HERC3: variants seen among roughly 807,000 people sequenced by gnomAD.
HERC3 encodes HECT and RLD domain containing E3 ubiquitin protein ligase 3.
HERC3 carries 58 observed loss-of-function variants against 129.9 expected under a neutral mutation model. The observed-to-expected ratio is 0.45, with a 90% confidence interval of 0.36 to 0.56. The LOEUF (loss-of-function observed/expected upper bound fraction) is 0.56, where lower values mean the gene tolerates loss of function less well. Among genes scored for constraint, HERC3 ranks in the 20% least tolerant of loss-of-function variants. The probability of loss-of-function intolerance (pLI) is 0.00; values close to 1 mark genes in which losing one functional copy is unlikely to be tolerated. For synonymous variants in HERC3, 430 were observed against 451.0 expected (o/e 0.95, Z 0.59); for missense variants, 835 against 1,244.2 (o/e 0.67, Z 4.95).
intron 3 of HERC3, among the ~76,000 whole-genome samples, chr4:88,622,972 A>G (rs1381189963): frequency 2.0e-5 from 3 of 152,172 alleles, no homozygotes; most frequent in East Asian, 1.9e-4. Flanking sequence ...AAGAGTGCCT[A>G]TCTCATAGGG....
intron 3 of HERC3, among the ~76,000 whole-genome samples, chr4:88,610,310 G>A (rs1056112294): frequency 6.6e-6 from 1 of 151,954 alleles, no homozygotes; most frequent in Non-Finnish European, 1.5e-5. Context: ...AAAATTAGCC[G>A]GGCATGGTGG....
At chr4:88,557,700 A>G in the HERC3 span, among the ~76,000 whole-genome samples, 1 of 152,170 alleles carries the variant, frequency 6.6e-6, no homozygotes, top group Non-Finnish European at 1.5e-5. Context: ...CACTTTTACA[A>G]TGCTAGTTGG....
the HERC3 span, among the ~76,000 whole-genome samples, chr4:88,531,606 G>C: frequency 2.6e-5 from 4 of 152,172 alleles, no homozygotes; most frequent in African/African-American, 9.7e-5. Flanking sequence ...AAGATGAGCT[G>C]TTGCTCTCTC....
At chr4:88,699,454 A>C (rs561138142) in intron 23 of HERC3, among the ~76,000 whole-genome samples, 33 of 138,146 alleles carry the variant, frequency 2.4e-4, no homozygotes, top group African/African-American at 9.2e-4. Flanking sequence ...TACCCTGCTC[A>C]CCATCTTCTT....
chr4:88,663,322 T>G (rs1730700267), intron 11 of HERC3, among the ~76,000 whole-genome samples: 1 of 152,154 alleles, frequency 6.6e-6, no homozygotes, highest in South Asian at 2.1e-4. Flanking sequence ...TCTGTGGCAG[T>G]CTTCAGAATC....
chr4:88,603,495 C>T (rs1439020084), intron 2 of HERC3, among the ~76,000 whole-genome samples: 2 of 152,308 alleles, frequency 1.3e-5, no homozygotes, highest in Admixed American at 1.3e-4. Flanking sequence ...GTGTGAGCCA[C>T]CATGCCCGGC....
chr4:88,573,101 G>A, the HERC3 span, among the ~76,000 whole-genome samples: 2 of 152,150 alleles, frequency 1.3e-5, no homozygotes, highest in African/African-American at 4.8e-5. Context: ...TAGAGTGAAA[G>A]GCATGTATAT....
chr4:88,603,529 A>G (rs1030278738), intron 2 of HERC3, among the ~76,000 whole-genome samples: 8 of 152,008 alleles, frequency 5.3e-5, no homozygotes, highest in South Asian at 2.1e-4. Flanking sequence ...TTAATTTGCT[A>G]TCTTAAATAG....
chr4:88,602,011 C>A (rs539703304), intron 2 of HERC3, among the ~76,000 whole-genome samples: 11 of 135,732 alleles, frequency 8.1e-5, no homozygotes, highest in Admixed American at 7.7e-4. Context: ...AGCCGAGATC[C>A]CGCCACTGCA....
At chr4:88,577,119 A>G in the HERC3 span, among the ~76,000 whole-genome samples, 1 of 152,132 alleles carries the variant, frequency 6.6e-6, no homozygotes, top group East Asian at 1.9e-4. Context: ...GGGGTATACA[A>G]CTGTAGTGGA....
At chr4:88,686,683 GT>G (rs1733505408) in intron 21 of HERC3, 52 bp from the exon 22 acceptor site, 6 of 1,135,156 alleles carry the variant, frequency 5.3e-6, no homozygotes, top group Non-Finnish European at 8.1e-6. Context: ...TAGAAACACT[GT>G]TGCAGCAGTG....
chr4:88,625,836 AT>A (rs147382274), intron 3 of HERC3, among the ~76,000 whole-genome samples: 3,950 of 151,562 alleles, frequency 0.026, 109 homozygotes, highest in South Asian at 0.087. Flanking sequence ...ATATTTAGTG[AT>A]TTTTTTTTAA....
At chr4:88,645,089 T>G (rs1281339246) in intron 3 of HERC3, among the ~76,000 whole-genome samples, 1 of 152,150 alleles carries the variant, frequency 6.6e-6, no homozygotes, top group Admixed American at 6.5e-5. Flanking sequence ...AGATACAGTG[T>G]ATCTCCATCA....
At chr4:88,667,862 A>G (rs1239012556) in intron 13 of HERC3, 30 bp from the exon 14 acceptor site, 1 of 1,516,496 alleles carries the variant, frequency 6.6e-7, no homozygotes, top group Non-Finnish European at 9.1e-7. Context: ...AGTATGTTTG[A>G]ATTTCTCATT....
At chr4:88,689,749 T>C (rs1358617018) in intron 23 of HERC3, among the ~76,000 whole-genome samples, 1 of 152,046 alleles carries the variant, frequency 6.6e-6, no homozygotes, top group Non-Finnish European at 1.5e-5. Flanking sequence ...GGCTAATTTT[T>C]GTATTTTTAG....
chr4:88,693,929 G>A (rs770890529), intron 23 of HERC3, among the ~76,000 whole-genome samples: 1 of 152,192 alleles, frequency 6.6e-6, no homozygotes, highest in African/African-American at 2.4e-5. Flanking sequence ...CCTGTTAGAT[G>A]TTAACATGCA....
At chr4:88,581,386 C>T in the HERC3 span, among the ~76,000 whole-genome samples, 1 of 151,820 alleles carries the variant, frequency 6.6e-6, no homozygotes, top group Non-Finnish European at 1.5e-5. Flanking sequence ...CTGCAACTGC[C>T]TCCCAGGTTC....
At chr4:88,696,113 A>G (rs1390697087) in intron 23 of HERC3, 1 of 152,652 alleles carries the variant, frequency 6.6e-6, no homozygotes, top group African/African-American at 2.4e-5. Flanking sequence ...GCACCATTTT[A>G]TAATTAATAT....
intron 3 of HERC3, among the ~76,000 whole-genome samples, chr4:88,638,163 C>G (rs1366076415): frequency 1.3e-5 from 2 of 152,126 alleles, no homozygotes. Context: ...ACCAGAGGTA[C>G]AAAGAGGAGC....
Sources: gnomAD v4.1 joint callset for allele counts (sites outside exome capture counted in the v4.1 genomes callset) on GRCh38, gnomAD v4.1.1 for gene constraint, MANE v1.5 for transcripts, NCBI Gene and HGNC (gene_info 2026-07-23, HGNC 2026-07-21) for gene names.